The following OOSP3 variants were observed in gnomAD, a reference collection of about 807,000 sequenced individuals.
The protein encoded by OOSP3 is oocyte-secreted protein 3.
exon 4 of OOSP3, chr11:59,895,518 A>G: frequency 2.5e-6 from 1 of 398,392 alleles, no homozygotes; most frequent in Non-Finnish European, 4.4e-6. Flanking sequence ...TTTGGATACC[A>G]CTTCAAGCAC....
rs1853282697 is a variant in OOSP3, at chr11:59,888,510, G to A, written c.253-5569G>A. Among the ~76,000 whole-genome samples, 3 of 152,154 alleles carry A rather than the reference G, an allele frequency of 2.0e-5. No homozygotes were observed. The South Asian group carries it at 6.2e-4, about 31-fold the overall frequency. On this transcript the variant is annotated intron_variant, in intron 2 of 4. Transcript: ENST00000646438. ...TTATTGAGAGTTTTTAACATGAAGGGATGTTGAATTTTCTCAAAGCCTTTT... is the reference window on the plus strand; with the variant it reads ...TTATTGAGAGTTTTTAACATGAAGGAATGTTGAATTTTCTCAAAGCCTTTT...
intron 2 of OOSP3, among the ~76,000 whole-genome samples, chr11:59,882,205 AC>A (rs1459927062): frequency 6.6e-6 from 1 of 152,216 alleles, no homozygotes; most frequent in Non-Finnish European, 1.5e-5. Context: ...CAATGTTATT[AC>A]AGGAGGCACA....
chr11:59,893,621 T>A (rs1191961840), intron 2 of OOSP3, among the ~76,000 whole-genome samples: 2 of 152,310 alleles, frequency 1.3e-5, no homozygotes, highest in African/African-American at 4.8e-5. Context: ...CTTCCCAAAG[T>A]GGTGGGATTA....
chr11:59,881,775 C>T (rs927600135), intron 2 of OOSP3, among the ~76,000 whole-genome samples: 1 of 152,060 alleles, frequency 6.6e-6, no homozygotes, highest in Non-Finnish European at 1.5e-5. Context: ...GAGGCTGAGA[C>T]AGGGAGAATT....
At chr11:59,891,407 T>C (rs770109235) in intron 2 of OOSP3, among the ~76,000 whole-genome samples, 16 of 152,220 alleles carry the variant, frequency 1.1e-4, no homozygotes, top group Non-Finnish European at 1.8e-4. Context: ...CTCATCTTCT[T>C]GGATGTATCT....
At chr11:59,879,144 C>T (rs980157788) in intron 1 of OOSP3, among the ~76,000 whole-genome samples, 10 of 152,044 alleles carry the variant, frequency 6.6e-5, no homozygotes, top group African/African-American at 2.4e-4. Context: ...CCCTATTCAC[C>T]CTACCTGTGG....
At chr11:59,894,766 A>G (rs1853341207) in intron 3 of OOSP3, among the ~76,000 whole-genome samples, 1 of 152,152 alleles carries the variant, frequency 6.6e-6, no homozygotes, top group Non-Finnish European at 1.5e-5. Context: ...CTCAGAGGTG[A>G]TTGTCCCCAT....
At chr11:59,891,809 T>C (rs1383018214) in intron 2 of OOSP3, among the ~76,000 whole-genome samples, 2 of 152,090 alleles carry the variant, frequency 1.3e-5, no homozygotes, top group Admixed American at 1.3e-4. Context: ...CTGGGGTGAA[T>C]CCCCCTAATG....
rs542137343 is a variant in OOSP3 at position 59,883,115 on chromosome 11, G to A, written c.252+2676G>A. Among the ~76,000 whole-genome samples, 3 of 152,150 alleles carry A rather than the reference G, an allele frequency of 2.0e-5. No homozygotes were observed. The East Asian group carries it at 5.8e-4, about 29-fold the overall frequency. On this transcript the variant is annotated intron_variant, in intron 2 of 4. Transcript: ENST00000646438. ...TGGTAACTCTATATTTAATTTTTTG[G>A]AGTTGCATAGTCTTTTATTTTTCTA...
At chr11:59,881,009 G>T (rs1202636887) in intron 2 of OOSP3, among the ~76,000 whole-genome samples, 1 of 152,160 alleles carries the variant, frequency 6.6e-6, no homozygotes, top group Non-Finnish European at 1.5e-5. Context: ...AATGAGATTG[G>T]TCTATAATTC....
At chr11:59,886,587 TA>T (rs1445717316) in intron 2 of OOSP3, among the ~76,000 whole-genome samples, 2 of 152,222 alleles carry the variant, frequency 1.3e-5, no homozygotes, top group Non-Finnish European at 2.9e-5. Flanking sequence ...ACCAACAGTG[TA>T]AAAGAGTTCC....
intron 2 of OOSP3, among the ~76,000 whole-genome samples, chr11:59,893,218 G>T (rs998777341): frequency 2.6e-5 from 4 of 152,070 alleles, no homozygotes; most frequent in African/African-American, 9.7e-5. Flanking sequence ...GAGAATATTT[G>T]TTGCATTATT....
chr11:59,888,245 A>G (rs1005190794), intron 2 of OOSP3, among the ~76,000 whole-genome samples: 3 of 152,218 alleles, frequency 2.0e-5, no homozygotes, highest in Non-Finnish European at 2.9e-5. Context: ...ATCATCTGCA[A>G]ACAAAGACAA....
In OOSP3 at chr11:59,894,255, T is replaced by C. The variant is rs532652771; in HGVS notation, c.350+79T>C. ...AGGAAAACATTTGGAATATGAAGCT[T>C]TACATCATTAGAACCCTAGAGCGAG... On this transcript the variant is annotated intron_variant, in intron 3 of 4. Transcript: ENST00000646438. The C allele has an allele frequency of 5.3e-5, 21 of 397,026 alleles. No homozygotes were observed. The South Asian group carries it at 2.8e-3, about 53-fold the overall frequency. The allele number at this position is 397,026 out of a possible 1,614,324, so 24.6% of individuals were successfully genotyped here. A position where few individuals can be genotyped will look rare whatever the true frequency, so the allele number is the denominator to read the frequency against.
chr11:59,894,186 A>G lies in OOSP3; in HGVS notation c.350+10A>G, dbSNP rs1453993690. The G allele has an allele frequency of 5.0e-6, 2 of 398,436 alleles. No individual in the cohort carries two copies. Among genetic ancestry groups the G allele is most frequent in the East Asian group, 7.1e-5 (2 of 28,068 alleles). 24.7% of individuals were successfully genotyped at this position (398,436 alleles called of 1,614,324 possible). ...TGTGTATTGTATATGGGTGAGTATA[A>G]TGAACCAGATGGTTCACAGTTTACC... On this transcript the variant is annotated intron_variant, in intron 3 of 4. Coordinates refer to ENST00000646438, the Ensembl canonical transcript of OOSP3.
At chr11:59,895,274 C>T in intron 3 of OOSP3, among the ~76,000 whole-genome samples, 1 of 147,360 alleles carries the variant, frequency 6.8e-6, no homozygotes, top group Non-Finnish European at 1.5e-5. Context: ...ATACATTTTC[C>T]TATGGTAGGA....
At chr11:59,892,341 G>A (rs1241258527) in intron 2 of OOSP3, among the ~76,000 whole-genome samples, 3 of 151,998 alleles carry the variant, frequency 2.0e-5, no homozygotes, top group African/African-American at 7.2e-5. Flanking sequence ...GCTCTCTGTG[G>A]ATTGTACCAA....
chr11:59,894,278 G>A (rs976956696), intron 3 of OOSP3, 102 bp downstream of exon 3: 19 of 394,940 alleles, frequency 4.8e-5, no homozygotes, highest in Non-Finnish European at 8.0e-5. Context: ...ACCCTAGAGC[G>A]AGGTTGGTTT....
At chr11:59,895,285 CTTTT>C (rs763923971) in intron 3 of OOSP3, among the ~76,000 whole-genome samples, 1 of 121,842 alleles carries the variant, frequency 8.2e-6, no homozygotes, top group Non-Finnish European at 1.8e-5. Flanking sequence ...TATGGTAGGA[CTTTT>C]TTTTTTTTTT....
Sources: gnomAD v4.1 joint callset for allele counts (sites outside exome capture counted in the v4.1 genomes callset) on GRCh38, gnomAD v4.1.1 for gene constraint, MANE v1.5 for transcripts, NCBI Gene and HGNC (gene_info 2026-07-23, HGNC 2026-07-21) for gene names.